The following KCNQ1 variants were observed in gnomAD, a reference collection of about 807,000 sequenced individuals.
KCNQ1 encodes potassium voltage-gated channel subfamily Q member 1, also known as potassium voltage-gated channel subfamily KQT member 1.
Under a neutral mutation model 72.4 loss-of-function variants are expected in KCNQ1, and 49 were observed. That is an observed-to-expected ratio of 0.68 (90% confidence interval 0.54 to 0.86). The LOEUF (loss-of-function observed/expected upper bound fraction) is 0.86, where lower values mean the gene tolerates loss of function less well. KCNQ1 is among the 40% of genes least tolerant of loss of function. KCNQ1 has a pLI of 0.00. For missense variants in KCNQ1, 790 were observed against 945.1 expected, an observed-to-expected ratio of 0.84 and a Z score of 2.15; for synonymous variants, 450 against 412.6, an observed-to-expected ratio of 1.09 and a Z score of -1.10.
chr11:2,752,498 A>T lies in KCNQ1; in HGVS notation c.1515-16346A>T, dbSNP rs1446652230. Among the ~76,000 whole-genome samples, 3 of 152,060 alleles carry T rather than the reference A, an allele frequency of 2.0e-5. No individual in the cohort carries two copies. The highest frequency in any genetic ancestry group is 4.4e-5 in the Non-Finnish European group (3 of 68,012). ...CCTGGTGATTCATACTTAGGAATTC[A>T]TTGTTCTGGAGACTGGGAAGCACAG... is the stretch of plus-strand genomic sequence containing the variant. On this transcript the variant is annotated intron_variant, in intron 11 of 15. Coordinates refer to ENST00000155840, the MANE Select transcript of KCNQ1 (RefSeq NM_000218.3). This position sits in a 1 kb window ranked among gnomAD's most constrained non-coding sequence, Gnocchi z 5.2.
intron 10 of KCNQ1, chr11:2,638,935 A>G (rs1849524590): frequency 6.6e-6 from 1 of 151,956 alleles, no homozygotes; most frequent in African/African-American, 2.4e-5. Context: ...TTTTCTCTGA[A>G]CTTCTCTTCT....
At chr11:2,523,795 G>C (rs1425532179) in intron 1 of KCNQ1, among the ~76,000 whole-genome samples, 1 of 124,568 alleles carries the variant, frequency 8.0e-6, no homozygotes, top group East Asian at 2.4e-4. Flanking sequence ...TTTCAACCTG[G>C]GCCTGGAGGC....
intron 10 of KCNQ1, chr11:2,644,946 G>T (rs1263491741): frequency 2.5e-6 from 1 of 398,562 alleles, no homozygotes; most frequent in East Asian, 3.6e-5. Context: ...AGCAGTGGCT[G>T]GCCCCGAATG....
Position 2,602,349 on chromosome 11 carries a change from C to G in KCNQ1, c.1393+13495C>G, listed in dbSNP as rs935259794. On this transcript the variant is annotated intron_variant, in intron 10 of 15. Transcript: ENST00000155840. This position sits in a 1 kb window ranked among gnomAD's most constrained non-coding sequence, Gnocchi z 4.8. The stretch of plus-strand genomic sequence containing the variant: ...AAATGTATTACAGCAGCCATGGGAA[C>G]CTTATACATTGATAAGGATGACATG... Among the ~76,000 whole-genome samples, 2 of 151,638 alleles carry G rather than the reference C, an allele frequency of 1.3e-5. No individual in the cohort carries two copies. Among genetic ancestry groups the G allele is most frequent in the Non-Finnish European group, 2.9e-5 (2 of 68,000 alleles).
intron 11 of KCNQ1, chr11:2,672,829 C>G (rs2133870310): frequency 2.5e-6 from 1 of 398,852 alleles, no homozygotes; most frequent in South Asian, 1.3e-4. Context: ...GACCCCAACT[C>G]TGGGTTCTGC....
rs567944819 is a variant in KCNQ1 at position 2,788,847 on chromosome 11, C to T, written c.1794+10810C>T. 1.2e-4 allele frequency among the ~76,000 whole-genome samples: 19 copies of T among 152,284 alleles called. No individual in the cohort carries two copies. In the East Asian group the frequency reaches 3.1e-3, roughly 25 times the overall value. On this transcript the variant is annotated intron_variant, in intron 15 of 15. Transcript: ENST00000155840. The stretch of plus-strand genomic sequence containing the variant: ...AACCTATAATGAAAGCAGCGTTTGA[C>T]GCTGAGCACCGCCACCCTGTTCCTG...
intron 15 of KCNQ1, among the ~76,000 whole-genome samples, chr11:2,825,541 C>T (rs915862823): frequency 1.1e-4 from 16 of 152,238 alleles, no homozygotes; most frequent in Non-Finnish European, 2.1e-4. Flanking sequence ...ACACCCTGGA[C>T]GCTTCCTTCT....
chr11:2,641,456 T>C, intron 10 of KCNQ1: 1 of 398,414 alleles, frequency 2.5e-6, no homozygotes, highest in Non-Finnish European at 4.4e-6. Context: ...TATCTATCCA[T>C]GTCTTTTGCT....
rs1393852497 is a variant in KCNQ1, at chr11:2,600,868, G to C, written c.1393+12014G>C. Among the ~76,000 whole-genome samples the C allele has an allele frequency of 6.6e-6, 1 of 152,112 alleles. No homozygotes were observed. Among genetic ancestry groups the C allele is most frequent in the Non-Finnish European group, 1.5e-5 (1 of 68,018 alleles). ...GGGAGTCTGATGTTTCCTCAGGTTA[G>C]ATCCACGTTGTGTACTCTGTAAGTG... is the stretch of plus-strand genomic sequence containing the variant. On this transcript the variant is annotated intron_variant, in intron 10 of 15. Coordinates refer to ENST00000155840, the MANE Select transcript of KCNQ1 (RefSeq NM_000218.3). This position sits in a 1 kb window ranked among gnomAD's most constrained non-coding sequence, Gnocchi z 5.6.
chr11:2,567,289 G>C lies in KCNQ1; in HGVS notation c.478-3339G>C, dbSNP rs1848261851. 6.6e-6 allele frequency among the ~76,000 whole-genome samples: 1 copy of C among 152,154 alleles called. No homozygotes were observed. Among genetic ancestry groups the C allele is most frequent in the African/African-American group, 2.4e-5 (1 of 41,418 alleles). ...AAGTCTGCAAATACAGATGAACCCA[G>C]GGTTAGGAGGGTGGCTGGGGCATCA... On this transcript the variant is annotated intron_variant, in intron 2 of 15. Transcript: ENST00000155840. The surrounding 1 kb of genome is among the most constrained non-coding windows in gnomAD (Gnocchi z 6.6).
At position 2,483,695 on chromosome 11, in the gene KCNQ1, G is replaced by T. The variant is rs560062328; in HGVS notation, c.386+38211G>T. ...GATCAAGATTGTGCATTTTTGGCAA[G>T]AACACCGCGGGAGTGTTGTTGGGTC... On this transcript the variant is annotated intron_variant, in intron 1 of 15. Coordinates refer to ENST00000155840, the MANE Select transcript of KCNQ1 (RefSeq NM_000218.3). This position sits in a 1 kb window ranked among gnomAD's most constrained non-coding sequence, Gnocchi z 6.1. Among the ~76,000 whole-genome samples, 1 of 152,276 alleles carries T rather than the reference G, an allele frequency of 6.6e-6. No homozygotes were observed. Among genetic ancestry groups the T allele is most frequent in the Admixed American group, 6.5e-5 (1 of 15,304 alleles).
At chr11:2,802,161 G>C (rs1189466188) in intron 15 of KCNQ1, among the ~76,000 whole-genome samples, 1 of 152,230 alleles carries the variant, frequency 6.6e-6, no homozygotes, top group African/African-American at 2.4e-5. Flanking sequence ...GGTCAGGCAG[G>C]GGGAGGCCAC....
intron 15 of KCNQ1, among the ~76,000 whole-genome samples, chr11:2,792,124 C>T (rs1006924796): frequency 2.0e-5 from 3 of 152,196 alleles, no homozygotes; most frequent in Non-Finnish European, 2.9e-5. Flanking sequence ...CCGGGTCCCT[C>T]CGCCACCCCT....
rs1845927064 is a variant in KCNQ1, at chr11:2,734,787, G to T, written c.1515-34057G>T. Among the ~76,000 whole-genome samples, 1 of 152,094 alleles carries T rather than the reference G, an allele frequency of 6.6e-6. No homozygotes were observed. Among genetic ancestry groups the T allele is most frequent in the Non-Finnish European group, 1.5e-5 (1 of 67,998 alleles). ...CGCTCCTCCGCCATAAACCGTGTTG[G>T]ATGGGCCTCCTGCCTCCTCCAGCCT... On this transcript the variant is annotated intron_variant, in intron 11 of 15. Coordinates refer to ENST00000155840, the MANE Select transcript of KCNQ1 (RefSeq NM_000218.3). The surrounding 1 kb of genome is among the most constrained non-coding windows in gnomAD (Gnocchi z 7.0).
At position 2,815,735 on chromosome 11, in the gene KCNQ1, G is replaced by T. The variant is rs1002864232; in HGVS notation, c.1795-32032G>T. On this transcript the variant is annotated intron_variant, in intron 15 of 15. Coordinates refer to ENST00000155840, the MANE Select transcript of KCNQ1 (RefSeq NM_000218.3). The surrounding 1 kb of genome is among the most constrained non-coding windows in gnomAD (Gnocchi z 5.4). ...GGAGACTATTCAGGAGAGGGTGGGA[G>T]CAGACACGGGAGTAGGATGGGGGCC... 6.6e-6 allele frequency among the ~76,000 whole-genome samples: 1 copy of T among 152,132 alleles called. No homozygotes were observed. Among genetic ancestry groups the T allele is most frequent in the African/African-American group, 2.4e-5 (1 of 41,444 alleles).
intron 11 of KCNQ1, among the ~76,000 whole-genome samples, chr11:2,747,196 G>A (rs908065817): frequency 1.3e-5 from 2 of 152,252 alleles, no homozygotes; most frequent in African/African-American, 4.8e-5. Context: ...GCTGTTGGAC[G>A]GGGATGAAGA....
Position 2,612,955 on chromosome 11 carries a change from G to A in KCNQ1, c.1393+24101G>A, listed in dbSNP as rs1425213918. 1.0e-5 allele frequency: 4 copies of A among 398,404 alleles called. No homozygotes were observed. Among genetic ancestry groups the A allele is most frequent in the Non-Finnish European group, 1.8e-5 (4 of 226,046 alleles). 24.7% of individuals were successfully genotyped at this position (398,404 alleles called of 1,614,324 possible). A position where few individuals can be genotyped will look rare whatever the true frequency, so the allele number is the denominator to read the frequency against. ...TCTGCATGGATTCTGCAGAGTCTGT[G>A]TTCTCCTGCAGTGTGCAGCCACTGG... On this transcript the variant is annotated intron_variant, in intron 10 of 15. Coordinates refer to ENST00000155840, the MANE Select transcript of KCNQ1 (RefSeq NM_000218.3). The surrounding 1 kb of genome is among the most constrained non-coding windows in gnomAD (Gnocchi z 5.5).
At chr11:2,686,719 G>A (rs1015078272) in intron 11 of KCNQ1, 6 of 398,482 alleles carry the variant, frequency 1.5e-5, no homozygotes, top group Non-Finnish European at 2.2e-5. Context: ...AGTCCTACTC[G>A]GCCCCACTTC....
chr11:2,776,909 G>T, intron 13 of KCNQ1, 77 bp from the exon 14 acceptor site: 1 of 1,432,980 alleles, frequency 7.0e-7, no homozygotes, highest in African/African-American at 1.4e-5. Context: ...ACGTCAAGCT[G>T]TCTGTCCCAC....
Sources: allele counts gnomAD v4.1 joint callset (sites outside exome capture counted in the v4.1 genomes callset), GRCh38; gene constraint gnomAD v4.1.1; non-coding constraint Gnocchi (gnomAD v3.1); transcripts MANE v1.5; gene names NCBI Gene and HGNC (gene_info 2026-07-23, HGNC 2026-07-21).